Variants in BTF3L4 observed in about 807,000 individuals in gnomAD.
The protein encoded by BTF3L4 is basic transcription factor 3 like 4, also known as transcription factor BTF3 homolog 4.
In BTF3L4, 6 loss-of-function variants were observed where a neutral mutation model predicts 16.8. The observed-to-expected ratio is 0.36, with a 90% CI of 0.20 to 0.71. BTF3L4 has a LOEUF of 0.71. Among genes scored for constraint, BTF3L4 ranks in the 30% least tolerant of loss-of-function variants. BTF3L4 has a pLI of 0.58. For synonymous variants in BTF3L4, 39 were observed against 59.8 expected (o/e 0.65, Z 1.60); for missense variants, 92 against 186.9 (o/e 0.49, Z 2.96).
At chr1:52,084,424 G>A (rs561472066) in intron 4 of BTF3L4, among the ~76,000 whole-genome samples, 3 of 152,208 alleles carry the variant, frequency 2.0e-5, no homozygotes, top group South Asian at 2.1e-4. Context: ...GATTACAGGC[G>A]TGAGCTACCA....
At chr1:52,079,727 T>C (rs1643898071) in intron 3 of BTF3L4, among the ~76,000 whole-genome samples, 1 of 152,176 alleles carries the variant, frequency 6.6e-6, no homozygotes, top group South Asian at 2.1e-4. Flanking sequence ...CATGTTAGCC[T>C]CTTGTTTTGT....
At chr1:52,061,635 C>CTTTT (rs67186641) in intron 2 of BTF3L4, among the ~76,000 whole-genome samples, 15 of 65,008 alleles carry the variant, frequency 2.3e-4, no homozygotes, top group Admixed American at 3.9e-4. Context: ...TACAGCTATT[C>CTTTT]TTTTTTTTTT....
At chr1:52,078,446 G>A (rs1198134887) in intron 3 of BTF3L4, among the ~76,000 whole-genome samples, 1 of 151,974 alleles carries the variant, frequency 6.6e-6, no homozygotes, top group East Asian at 1.9e-4. Flanking sequence ...GATATTGGGG[G>A]AAATACTATG....
rs1393259367 is a variant in BTF3L4 at position 52,089,381 on chromosome 1, A to ATATT, written c.*2626_*2629dup. ...TATCTTCCCCTTTCCTGAACAAAGC[A>ATATT]TATTTAGAGTCTCAAAGAAATCCTC... On this transcript the variant is annotated 3_prime_UTR_variant, in exon 6 of 6. Coordinates refer to ENST00000313334, the MANE Select transcript of BTF3L4 (RefSeq NM_152265.5). 1 of 152,132 alleles carries ATATT rather than the reference A, an allele frequency of 6.6e-6. No homozygotes were observed. Among genetic ancestry groups the ATATT allele is most frequent in the African/African-American group, 2.4e-5 (1 of 41,422 alleles). The allele number at this position is 152,132 out of a possible 1,614,324, so 9.4% of individuals were successfully genotyped here.
rs923338135 is a variant in BTF3L4 at position 52,058,109 on chromosome 1, A to T, written c.-13-1726A>T. Among the ~76,000 whole-genome samples the T allele has an allele frequency of 4.6e-5, 7 of 152,118 alleles. No individual in the cohort carries two copies. In the East Asian group the frequency reaches 7.7e-4, roughly 17 times the overall value. On this transcript the variant is annotated intron_variant, in intron 1 of 5. Transcript: ENST00000313334. ...TGGCCACATTCCTTTGAGAAAAGTG[A>T]ATGTTGGTCCTTTTCTGTGGATATT...
intron 3 of BTF3L4, among the ~76,000 whole-genome samples, chr1:52,073,483 A>G (rs1686846777): frequency 8.7e-6 from 1 of 115,192 alleles, no homozygotes; most frequent in Admixed American, 1.0e-4. Context: ...TGCACTATAT[A>G]TATGCTACAT....
intron 3 of BTF3L4, among the ~76,000 whole-genome samples, chr1:52,068,441 C>A (rs1475618265): frequency 6.6e-6 from 1 of 152,116 alleles, no homozygotes; most frequent in African/African-American, 2.4e-5. Context: ...TATATCGTAC[C>A]ATTTCAGCTT....
rs530537802 is a variant in BTF3L4, at chr1:52,064,750, G to C, written c.55-75G>C. The C allele has an allele frequency of 1.6e-5, 12 of 751,278 alleles. No homozygotes were observed. In the African/African-American group the frequency reaches 2.1e-4, roughly 13 times the overall value. The allele number at this position is 751,278 out of a possible 1,614,324, so 46.5% of individuals were successfully genotyped here. On this transcript the variant is annotated intron_variant, in intron 2 of 5. Transcript: ENST00000313334. ...TTTAATGTGGGTTTTAGATTATTGT[G>C]ATACGTAAGATGTGATTGCAGTTGC...
intron 3 of BTF3L4, 50 bp from the exon 4 acceptor site, chr1:52,083,289 GT>G (rs1302885752): frequency 6.8e-7 from 1 of 1,462,262 alleles, no homozygotes; most frequent in Non-Finnish European, 9.6e-7. Flanking sequence ...AAAATATATT[GT>G]TTTAGTGTAC....
intron 3 of BTF3L4, among the ~76,000 whole-genome samples, chr1:52,066,828 A>G (rs1686663816): frequency 6.6e-6 from 1 of 151,976 alleles, no homozygotes. Flanking sequence ...TCTGGGCAAC[A>G]GAGCGAGACT....
chr1:52,071,302 C>G (rs1453191459), intron 3 of BTF3L4: 1 of 152,198 alleles, frequency 6.6e-6, no homozygotes, highest in Non-Finnish European at 1.5e-5. Context: ...AATTCAGCCT[C>G]CATGAAACCC....
rs1357139978 is a variant in BTF3L4, at chr1:52,090,707, T to C, written c.*3949T>C. Reference sequence around the variant, plus strand: ...CTACTTACTGTTGAATACAAAGTTATCTCATTTAATTCTCAGTCTGATGCG... The same window carrying C: ...CTACTTACTGTTGAATACAAAGTTACCTCATTTAATTCTCAGTCTGATGCG... On this transcript the variant is annotated 3_prime_UTR_variant, in exon 6 of 6. Coordinates refer to ENST00000313334, the MANE Select transcript of BTF3L4 (RefSeq NM_152265.5). The C allele has an allele frequency of 6.6e-6, 1 of 152,076 alleles. No homozygotes were observed. The highest frequency in any genetic ancestry group is 2.4e-5 in the African/African-American group (1 of 41,394). 9.4% of individuals were successfully genotyped at this position (152,076 alleles called of 1,614,324 possible). A position where few individuals can be genotyped will look rare whatever the true frequency, so the allele number is the denominator to read the frequency against.
At chr1:52,066,234 C>G (rs1409819533) in intron 3 of BTF3L4, among the ~76,000 whole-genome samples, 3 of 152,136 alleles carry the variant, frequency 2.0e-5, no homozygotes. Flanking sequence ...CACTCTGTCA[C>G]CCAGGCTAGA....
At chr1:52,067,834 T>A (rs1349910788) in intron 3 of BTF3L4, among the ~76,000 whole-genome samples, 1 of 152,214 alleles carries the variant, frequency 6.6e-6, no homozygotes, top group African/African-American at 2.4e-5. Context: ...AGCTGTCCTG[T>A]GCATTACAGG....
intron 3 of BTF3L4, among the ~76,000 whole-genome samples, chr1:52,079,755 T>G (rs1558009640): frequency 6.6e-6 from 1 of 152,168 alleles, no homozygotes; most frequent in African/African-American, 2.4e-5. Context: ...AAGATACATT[T>G]TATCTATATA....
At chr1:52,079,621 A>T (rs1019228957) in intron 3 of BTF3L4, among the ~76,000 whole-genome samples, 3 of 152,130 alleles carry the variant, frequency 2.0e-5, no homozygotes, top group African/African-American at 7.2e-5. Context: ...AGAAAGACCT[A>T]TATATCAGGG....
At chr1:52,083,700 T>C (rs959422702) in intron 4 of BTF3L4, among the ~76,000 whole-genome samples, 159 bp downstream of exon 4, 1 of 152,164 alleles carries the variant, frequency 6.6e-6, no homozygotes, top group Non-Finnish European at 1.5e-5. Context: ...GTTTGTTTAA[T>C]GATTATGTAG....
At position 52,089,869 on chromosome 1, in the gene BTF3L4, A is replaced by G. The variant is rs1644004021; in HGVS notation, c.*3111A>G. The stretch of plus-strand genomic sequence containing the variant: ...AAGTAGCTAGTGCTTACAGGATTCC[A>G]TTAAATTCACTTTAATAAGCCTATG... On this transcript the variant is annotated 3_prime_UTR_variant, in exon 6 of 6. Transcript: ENST00000313334. 1 of 152,218 alleles carries G rather than the reference A, an allele frequency of 6.6e-6. No homozygotes were observed. Among genetic ancestry groups the G allele is most frequent in the South Asian group, 2.1e-4 (1 of 4,834 alleles). 9.4% of individuals were successfully genotyped at this position (152,218 alleles called of 1,614,324 possible). A position where few individuals can be genotyped will look rare whatever the true frequency, so the allele number is the denominator to read the frequency against.
chr1:52,075,347 C>T (rs1482369701), intron 3 of BTF3L4, among the ~76,000 whole-genome samples: 1 of 150,084 alleles, frequency 6.7e-6, no homozygotes, highest in African/African-American at 2.4e-5. Flanking sequence ...ATGGTGAAAC[C>T]CCATCTCTAC....
Sources: gnomAD v4.1 joint callset for allele counts (sites outside exome capture counted in the v4.1 genomes callset) on GRCh38, gnomAD v4.1.1 for gene constraint, MANE v1.5 for transcripts, NCBI Gene and HGNC (gene_info 2026-07-23, HGNC 2026-07-21) for gene names.